The following VTI1A variants were observed in gnomAD, a reference collection of about 807,000 sequenced individuals.
VTI1A encodes the protein vesicle transport through interaction with t-SNAREs 1A.
A neutral mutation model predicts 34.9 loss-of-function variants in VTI1A; 22 were observed. The ratio of observed to expected loss-of-function variants is 0.63; its 90% confidence interval spans 0.45 to 0.90. The LOEUF (loss-of-function observed/expected upper bound fraction) is 0.90. Ranked by LOEUF, VTI1A falls within the 40% of genes least tolerant of loss-of-function variation. The probability of loss-of-function intolerance (pLI) is 0.00; values close to 1 mark genes in which losing one functional copy is unlikely to be tolerated. For missense variants in VTI1A, 268 were observed against 275.6 expected, an observed-to-expected ratio of 0.97 and a Z score of 0.20; for synonymous variants, 87 against 97.3, an observed-to-expected ratio of 0.89 and a Z score of 0.62.
At chr10:112,849,437 C>T in the VTI1A span, among the ~76,000 whole-genome samples, 7 of 152,190 alleles carry the variant, frequency 4.6e-5, no homozygotes, top group African/African-American at 1.7e-4. Context: ...GGCAACCTCG[C>T]TCCTTCCTCC....
Position 112,767,177 on chromosome 10 carries a change from T to C in VTI1A, c.561-48113T>C, listed in dbSNP as rs1286028748. On this transcript the variant is annotated intron_variant, in intron 7 of 7. Transcript: ENST00000393077. The surrounding 1 kb of genome is among the most constrained non-coding windows in gnomAD (Gnocchi z 4.0). ...CTAGCATTTATTGAGTGCCTTACTGTGTGTCAGGTACTGTGCTAAGCTCTT... is the reference window on the plus strand; with the variant it reads ...CTAGCATTTATTGAGTGCCTTACTGCGTGTCAGGTACTGTGCTAAGCTCTT... Among the ~76,000 whole-genome samples the C allele has an allele frequency of 6.6e-6, 1 of 152,226 alleles. No homozygotes were observed. Among genetic ancestry groups the C allele is most frequent in the Non-Finnish European group, 1.5e-5 (1 of 68,034 alleles).
intron 7 of VTI1A, among the ~76,000 whole-genome samples, chr10:112,798,168 G>A (rs548905285): frequency 2.0e-5 from 3 of 152,270 alleles, no homozygotes; most frequent in Non-Finnish European, 2.9e-5. Flanking sequence ...CCAAAGCAAT[G>A]CTGTGCAGGT....
chr10:112,824,982 G>A, the VTI1A span: 125 of 152,370 alleles, frequency 8.2e-4, no homozygotes, highest in African/African-American at 2.9e-3. Flanking sequence ...CTTCTAAGTG[G>A]TCCAGGATGC....
At chr10:112,607,445 C>A (rs894413150) in intron 5 of VTI1A, among the ~76,000 whole-genome samples, 1 of 152,148 alleles carries the variant, frequency 6.6e-6, no homozygotes. Flanking sequence ...CCACTCTACA[C>A]CAACAACTCC....
intron 7 of VTI1A, among the ~76,000 whole-genome samples, chr10:112,796,752 C>T (rs964647541): frequency 3.3e-5 from 5 of 152,184 alleles, no homozygotes; most frequent in African/African-American, 1.2e-4. Context: ...TTTCCTACAG[C>T]CAAGCGTCTC....
chr10:112,829,157 T>C, the VTI1A span, among the ~76,000 whole-genome samples: 1 of 152,156 alleles, frequency 6.6e-6, no homozygotes, highest in Admixed American at 6.5e-5. Flanking sequence ...AAAAATCTAT[T>C]GATTGGGCTG....
At chr10:112,673,647 A>C (rs1413939504) in intron 7 of VTI1A, among the ~76,000 whole-genome samples, 1 of 152,260 alleles carries the variant, frequency 6.6e-6, no homozygotes, top group African/African-American at 2.4e-5. Context: ...AGGACCATTC[A>C]CACAATATTA....
rs768159688 is a variant in VTI1A, at chr10:112,656,521, ATTTTTTT to A, written c.428-11680_428-11674del. 5.9e-4 allele frequency among the ~76,000 whole-genome samples: 61 copies of A among 103,180 alleles called. 1 individual carries two copies. The South Asian group carries it at 0.018, about 30-fold the overall frequency. 67.7% of individuals were successfully genotyped at this position (103,180 alleles called of 152,430 possible). ...TACAGGAGCATACCACACCCAGATAATTTTTTTTTTTTTTTTTTTTTTTGAGACAGGG... is the reference window on the plus strand; with the variant it reads ...TACAGGAGCATACCACACCCAGATAATTTTTTTTTTTTTTTTGAGACAGGG... On this transcript the variant is annotated intron_variant, in intron 5 of 7. Coordinates refer to ENST00000393077, the MANE Select transcript of VTI1A (RefSeq NM_145206.4).
chr10:112,763,438 CA>C (rs397714967), intron 7 of VTI1A, among the ~76,000 whole-genome samples: 256 of 108,928 alleles, frequency 2.4e-3, no homozygotes, highest in Middle Eastern at 5.6e-3. Context: ...GACACCATCT[CA>C]AAAAAAAAAA....
chr10:112,514,670 T>A (rs1258010220), intron 3 of VTI1A, among the ~76,000 whole-genome samples: 2 of 151,968 alleles, frequency 1.3e-5, no homozygotes, highest in Admixed American at 6.6e-5. Context: ...TTTTGCTGCA[T>A]CCCATAAGTA....
intron 1 of VTI1A, chr10:112,450,705 A>G (rs1250774036): frequency 1.3e-5 from 2 of 152,256 alleles, no homozygotes; most frequent in Non-Finnish European, 2.9e-5. Flanking sequence ...TTTTTAAACA[A>G]TAAAGAGATT....
chr10:112,828,588 G>C, the VTI1A span, among the ~76,000 whole-genome samples: 73 of 151,874 alleles, frequency 4.8e-4, no homozygotes, highest in African/African-American at 1.6e-3. Context: ...TGTATTTTTA[G>C]TAGAGACGGG....
intron 5 of VTI1A, among the ~76,000 whole-genome samples, chr10:112,595,268 A>G (rs1418176718): frequency 6.8e-6 from 1 of 147,522 alleles, no homozygotes; most frequent in Admixed American, 6.8e-5. Flanking sequence ...CTTCATGTCT[A>G]AAACACCAAA....
At chr10:112,515,883 A>G (rs1849757172) in intron 3 of VTI1A, among the ~76,000 whole-genome samples, 1 of 152,088 alleles carries the variant, frequency 6.6e-6, no homozygotes. Flanking sequence ...TATAGCACCC[A>G]CATACAAGAT....
intron 1 of VTI1A, among the ~76,000 whole-genome samples, chr10:112,453,433 T>TA (rs1471227211): frequency 1.3e-5 from 2 of 150,964 alleles, no homozygotes; most frequent in African/African-American, 4.9e-5. Context: ...GCCAAGTAAT[T>TA]ACGTGAATTA....
intron 3 of VTI1A, among the ~76,000 whole-genome samples, chr10:112,489,228 C>G (rs1238142734): frequency 6.6e-6 from 1 of 152,184 alleles, no homozygotes; most frequent in Non-Finnish European, 1.5e-5. Context: ...TGGATGATCC[C>G]TGAGATCTCT....
At chr10:112,571,524 A>G (rs1194628651) in intron 5 of VTI1A, among the ~76,000 whole-genome samples, 1 of 152,228 alleles carries the variant, frequency 6.6e-6, no homozygotes, top group East Asian at 1.9e-4. Flanking sequence ...AGGGACACTT[A>G]TACACCGTTG....
intron 5 of VTI1A, among the ~76,000 whole-genome samples, chr10:112,653,261 T>G (rs546404624): frequency 7.2e-5 from 11 of 152,316 alleles, no homozygotes; most frequent in Non-Finnish European, 1.5e-4. Context: ...GTTCCCTGCC[T>G]CCAGACCCTA....
At chr10:112,481,873 A>G (rs1301786059) in intron 3 of VTI1A, among the ~76,000 whole-genome samples, 2 of 152,194 alleles carry the variant, frequency 1.3e-5, no homozygotes, top group African/African-American at 4.8e-5. Flanking sequence ...ATAGCTGTGC[A>G]TTGGTGTGGG....
Sources: allele counts gnomAD v4.1 joint callset (sites outside exome capture counted in the v4.1 genomes callset), GRCh38; gene constraint gnomAD v4.1.1; non-coding constraint Gnocchi (gnomAD v3.1); transcripts MANE v1.5; gene names NCBI Gene and HGNC (gene_info 2026-07-23, HGNC 2026-07-21).